CYTH3: variants seen among roughly 807,000 people sequenced by gnomAD.
CYTH3 encodes the protein cytohesin-3.
A neutral mutation model predicts 55.1 loss-of-function variants in CYTH3; 23 were observed. The observed-to-expected ratio is 0.42, with a 90% confidence interval of 0.30 to 0.59. The LOEUF (loss-of-function observed/expected upper bound fraction) is 0.59. Among genes scored for constraint, CYTH3 ranks in the 20% least tolerant of loss-of-function variants. CYTH3 has a pLI of 0.20. For missense variants in CYTH3, 413 were observed against 524.8 expected, an observed-to-expected ratio of 0.79 and a Z score of 2.08; for synonymous variants, 249 against 194.9, an observed-to-expected ratio of 1.28 and a Z score of -2.31.
At chr7:6,207,742 ATGTTCAAGACCAGCC>A (rs1167347942) in intron 1 of CYTH3, among the ~76,000 whole-genome samples, 1 of 151,918 alleles carries the variant, frequency 6.6e-6, no homozygotes, top group Non-Finnish European at 1.5e-5. Flanking sequence ...TTGAGTTCAG[ATGTTCAAGACCAGCC>A]TGGGCAACAT....
chr7:6,174,546 T>G (rs1224205332), intron 5 of CYTH3, among the ~76,000 whole-genome samples: 3 of 141,676 alleles, frequency 2.1e-5, no homozygotes, highest in East Asian at 2.0e-4. Flanking sequence ...TGGGTTTTTT[T>G]TTTTTTTTTT....
chr7:6,182,818 T>G (rs1473301213), intron 4 of CYTH3, among the ~76,000 whole-genome samples: 1 of 152,202 alleles, frequency 6.6e-6, no homozygotes, highest in Non-Finnish European at 1.5e-5. Context: ...CTCTATTGTT[T>G]CCATTAAGTC....
intron 1 of CYTH3, among the ~76,000 whole-genome samples, chr7:6,248,370 C>A (rs1473368659): frequency 2.0e-5 from 3 of 152,026 alleles, no homozygotes; most frequent in Admixed American, 6.6e-5. Flanking sequence ...ATAAACTGCA[C>A]TGCCTATTCA....
rs1583732415 is a variant in CYTH3 at position 6,169,838 on chromosome 7, C to T, written c.823+697G>A. 6.6e-6 allele frequency among the ~76,000 whole-genome samples: 1 copy of T among 152,154 alleles called. No individual in the cohort carries two copies. Among genetic ancestry groups the T allele is most frequent in the South Asian group, 2.1e-4 (1 of 4,828 alleles). Reference sequence around the variant, plus strand: ...CTCTACTGCTGCGGACCCCTAGAGACACAGGGTGGGGGGCAAGTTGGTTCC... The same window carrying T: ...CTCTACTGCTGCGGACCCCTAGAGATACAGGGTGGGGGGCAAGTTGGTTCC... On this transcript the variant is annotated intron_variant, in intron 9 of 12. Transcript: ENST00000350796. This position sits in a 1 kb window ranked among gnomAD's most constrained non-coding sequence, Gnocchi z 4.1.
intron 4 of CYTH3, among the ~76,000 whole-genome samples, chr7:6,185,016 C>T (rs1783600414): frequency 6.6e-6 from 1 of 152,236 alleles, no homozygotes; most frequent in African/African-American, 2.4e-5. Context: ...GTTCTGAGCA[C>T]ATCCACTTTC....
chr7:6,255,254 C>A (rs1428232913), intron 1 of CYTH3, among the ~76,000 whole-genome samples: 2 of 152,126 alleles, frequency 1.3e-5, no homozygotes, highest in Admixed American at 6.5e-5. Context: ...ACCAATCAGG[C>A]TCAAATGTTT....
chr7:6,265,011 A>T (rs1425743781), intron 1 of CYTH3, among the ~76,000 whole-genome samples: 1 of 152,218 alleles, frequency 6.6e-6, no homozygotes, highest in Non-Finnish European at 1.5e-5. Context: ...ACTTGAATGA[A>T]GCAAGGATAC....
At chr7:6,191,458 G>C (rs930659848) in intron 1 of CYTH3, among the ~76,000 whole-genome samples, 1 of 152,042 alleles carries the variant, frequency 6.6e-6, no homozygotes, top group Non-Finnish European at 1.5e-5. Flanking sequence ...AAAGCAGATT[G>C]TATGTTATCA....
intron 1 of CYTH3, among the ~76,000 whole-genome samples, chr7:6,208,819 G>A (rs533549900): frequency 8.4e-4 from 128 of 152,290 alleles, no homozygotes; most frequent in African/African-American, 2.9e-3. Context: ...GGGTCACCAC[G>A]CCTGGCCTAG....
intron 1 of CYTH3, among the ~76,000 whole-genome samples, chr7:6,197,511 C>A (rs893396026): frequency 6.6e-6 from 1 of 152,018 alleles, no homozygotes; most frequent in Non-Finnish European, 1.5e-5. Context: ...GATGAAATCC[C>A]GTCTCTACTA....
At chr7:6,218,338 AAGATGGAG>A (rs1171467766) in intron 1 of CYTH3, among the ~76,000 whole-genome samples, 1 of 152,148 alleles carries the variant, frequency 6.6e-6, no homozygotes, top group Non-Finnish European at 1.5e-5. Flanking sequence ...GCTGGGTTTG[AAGATGGAG>A]AGAGGGGTCA....
chr7:6,174,673 G>A (rs899149978), intron 5 of CYTH3, among the ~76,000 whole-genome samples: 6 of 148,216 alleles, frequency 4.0e-5, no homozygotes, highest in Non-Finnish European at 7.4e-5. Flanking sequence ...TCAGCCTCCC[G>A]AGTAGCTGGG....
chr7:6,177,815 T>C lies in CYTH3; in HGVS notation c.368+8A>G. 2 of 1,607,806 alleles carry C rather than the reference T, an allele frequency of 1.2e-6. No homozygotes were observed. The highest frequency in any genetic ancestry group is 1.7e-6 in the Non-Finnish European group (2 of 1,174,346). On this transcript the variant is annotated splice_region_variant and intron_variant, in intron 5 of 12. Transcript: ENST00000350796. ...CCAGGTAGGGCTTTGCATCCTCCTCTAACTCACCTTTCACCCAGGTAGTCC... is the reference window on the plus strand; with the variant it reads ...CCAGGTAGGGCTTTGCATCCTCCTCCAACTCACCTTTCACCCAGGTAGTCC...
intron 5 of CYTH3, among the ~76,000 whole-genome samples, chr7:6,176,982 T>C (rs527587522): frequency 6.6e-6 from 1 of 152,402 alleles, no homozygotes; most frequent in Non-Finnish European, 1.5e-5. Context: ...TCATGTGGGT[T>C]TTGTCCTTTA....
chr7:6,238,686 A>G (rs890262508), intron 1 of CYTH3, among the ~76,000 whole-genome samples: 4 of 152,220 alleles, frequency 2.6e-5, no homozygotes, highest in African/African-American at 9.7e-5. Flanking sequence ...TCCTAATGAA[A>G]ACTCCAAGTG....
intron 4 of CYTH3, among the ~76,000 whole-genome samples, chr7:6,186,015 C>A (rs367616475): frequency 6.6e-6 from 1 of 151,510 alleles, no homozygotes; most frequent in African/African-American, 2.4e-5. Flanking sequence ...GAGGCCGAGG[C>A]GGGCGGATCA....
chr7:6,165,471 G>A (rs764092562), intron 11 of CYTH3, 44 bp from the exon 12 acceptor site: 4 of 1,609,028 alleles, frequency 2.5e-6, no homozygotes, highest in Non-Finnish European at 3.4e-6. Flanking sequence ...GGGGCTTGGG[G>A]CAGGTTCCCT....
rs1562417378 is a variant in CYTH3, at chr7:6,259,760, TATATATATATATTATATATATATAA to T, written c.34+12689_34+12713del. Among the ~76,000 whole-genome samples the T allele has an allele frequency of 8.9e-4, 23 of 25,902 alleles. 1 individual carries two copies. The highest frequency in any genetic ancestry group is 1.2e-3 in the South Asian group (1 of 868). 17.0% of individuals were successfully genotyped at this position (25,902 alleles called of 152,430 possible). ...ATATATATAATATATATATATATTA[TATATATATATATTATATATATATAA>T]TATATATATATATATATATATATAT... On this transcript the variant is annotated intron_variant, in intron 1 of 12. Transcript: ENST00000350796.
chr7:6,233,878 T>C (rs904979617), intron 1 of CYTH3, among the ~76,000 whole-genome samples: 1 of 151,956 alleles, frequency 6.6e-6, no homozygotes, highest in African/African-American at 2.4e-5. Context: ...GCGGATTCAG[T>C]GTGTGGTGAG....
Sources: gnomAD v4.1 joint callset for allele counts (sites outside exome capture counted in the v4.1 genomes callset) on GRCh38, gnomAD v4.1.1 for gene constraint, Gnocchi (gnomAD v3.1) non-coding constraint, MANE v1.5 for transcripts, NCBI Gene and HGNC (gene_info 2026-07-23, HGNC 2026-07-21) for gene names.